CNTNAP2: variants seen among roughly 807,000 people sequenced by gnomAD.
CNTNAP2 encodes contactin-associated protein-like 2.
In CNTNAP2, 98 loss-of-function variants were observed where a neutral mutation model predicts 155.2. The observed-to-expected ratio is 0.63, with a 90% CI of 0.54 to 0.75. CNTNAP2 has a LOEUF of 0.75. CNTNAP2 is among the 30% of genes least tolerant of loss of function. CNTNAP2 has a pLI of 0.00. For synonymous variants in CNTNAP2, 651 were observed against 631.2 expected (o/e 1.03, Z -0.47); for missense variants, 1,727 against 1,688.1 (o/e 1.02, Z -0.40).
At position 146,745,744 on chromosome 7, in the gene CNTNAP2, G is replaced by A. The variant is rs930014636; in HGVS notation, c.98-28527G>A. 8.9e-5 allele frequency among the ~76,000 whole-genome samples: 13 copies of A among 145,444 alleles called. No homozygotes were observed. In the South Asian group the frequency reaches 9.0e-4, roughly 10 times the overall value. ...TTGTGCCACTGTACTCCAGCCTGGC[G>A]ACAGAGCAAGACTCCATCTGAAAAA... On this transcript the variant is annotated intron_variant, in intron 1 of 23. Coordinates refer to ENST00000361727, the MANE Select transcript of CNTNAP2 (RefSeq NM_014141.6).
rs531683124 is a variant in CNTNAP2, at chr7:147,801,094, G to A, written c.2099-102471G>A. On this transcript the variant is annotated intron_variant, in intron 13 of 23. Coordinates refer to ENST00000361727, the MANE Select transcript of CNTNAP2 (RefSeq NM_014141.6). The stretch of plus-strand genomic sequence containing the variant: ...ACTCTACTGGAAAACAAAATATTTC[G>A]TACAAAGCCTGGGATGTGTGCTCTG... Among the ~76,000 whole-genome samples, 20 of 152,204 alleles carry A rather than the reference G, an allele frequency of 1.3e-4. No individual in the cohort carries two copies. The East Asian group carries it at 1.5e-3, about 12-fold the overall frequency.
At chr7:146,789,576 C>A (rs1802634664) in intron 2 of CNTNAP2, among the ~76,000 whole-genome samples, 1 of 147,036 alleles carries the variant, frequency 6.8e-6, no homozygotes. Context: ...AATTTTTGAA[C>A]TTGTATTATG....
intron 15 of CNTNAP2, among the ~76,000 whole-genome samples, chr7:148,074,419 G>A (rs1295068960): frequency 6.6e-6 from 1 of 152,152 alleles, no homozygotes; most frequent in African/African-American, 2.4e-5. Flanking sequence ...GGCCAGACCC[G>A]GTGGCTCACA....
intron 13 of CNTNAP2, among the ~76,000 whole-genome samples, chr7:147,859,450 T>C (rs935566949): frequency 3.9e-5 from 6 of 152,024 alleles, no homozygotes; most frequent in Admixed American, 3.9e-4. Flanking sequence ...ACATGTCATA[T>C]TTTCTGCAGT....
chr7:148,353,910 C>T (rs1012653436), intron 21 of CNTNAP2, among the ~76,000 whole-genome samples: 2 of 152,172 alleles, frequency 1.3e-5, no homozygotes, highest in Non-Finnish European at 2.9e-5. Flanking sequence ...TTGGTGTCTG[C>T]TTCTGGTTTT....
chr7:147,164,034 C>T (rs1037324705), intron 8 of CNTNAP2, among the ~76,000 whole-genome samples: 4 of 152,158 alleles, frequency 2.6e-5, no homozygotes, highest in Admixed American at 1.3e-4. Context: ...CAGAGACTTA[C>T]GTGACAGGTG....
rs182879375 is a variant in CNTNAP2, at chr7:148,092,966, C to A, written c.2384-25152C>A. ...ACAGATAAACAGTTTAGTTGATAAT[C>A]CCCCACATCTTCTTCTTCAGCACAG... is the stretch of plus-strand genomic sequence containing the variant. On this transcript the variant is annotated intron_variant, in intron 15 of 23. Transcript: ENST00000361727. 2.4e-3 allele frequency among the ~76,000 whole-genome samples: 367 copies of A among 151,108 alleles called. 1 individual carries two copies. The highest frequency in any genetic ancestry group is 8.5e-3 in the African/African-American group (350 of 41,182).
At chr7:147,379,756 G>T (rs1229077522) in intron 9 of CNTNAP2, among the ~76,000 whole-genome samples, 1 of 151,860 alleles carries the variant, frequency 6.6e-6, no homozygotes, top group Non-Finnish European at 1.5e-5. Context: ...TATGTGGTGG[G>T]GCTAGGGGCG....
chr7:147,583,732 T>C (rs1800562597), intron 12 of CNTNAP2, among the ~76,000 whole-genome samples: 1 of 151,930 alleles, frequency 6.6e-6, no homozygotes. Context: ...TGTCTATAAG[T>C]CAACATTATA....
intron 3 of CNTNAP2, among the ~76,000 whole-genome samples, chr7:147,042,257 G>T (rs577282630): frequency 6.6e-5 from 10 of 152,264 alleles, no homozygotes; most frequent in African/African-American, 2.2e-4. Context: ...CGTCACAGAA[G>T]AACATCCCAA....
chr7:147,246,834 G>A (rs769831287), intron 8 of CNTNAP2, among the ~76,000 whole-genome samples: 2 of 152,164 alleles, frequency 1.3e-5, no homozygotes, highest in African/African-American at 4.8e-5. Context: ...ACATCATGCT[G>A]TTTCTGTATA....
At chr7:147,272,935 G>A (rs1363412260) in intron 8 of CNTNAP2, among the ~76,000 whole-genome samples, 6 of 152,052 alleles carry the variant, frequency 3.9e-5, no homozygotes, top group African/African-American at 1.2e-4. Context: ...TTAGAATAAC[G>A]TACATAAAAT....
At chr7:146,438,862 G>A (rs559629539) in intron 1 of CNTNAP2, among the ~76,000 whole-genome samples, 1 of 151,514 alleles carries the variant, frequency 6.6e-6, no homozygotes, top group Non-Finnish European at 1.5e-5. Flanking sequence ...TTGCTATCTA[G>A]TTCTTTCTCT....
intron 1 of CNTNAP2, among the ~76,000 whole-genome samples, chr7:146,570,211 C>T (rs977530353): frequency 1.4e-5 from 1 of 69,512 alleles, no homozygotes; most frequent in African/African-American, 5.1e-5. Context: ...TAGACACAGC[C>T]CATTTTTTTT....
intron 11 of CNTNAP2, among the ~76,000 whole-genome samples, chr7:147,552,166 C>T (rs766969551): frequency 2.6e-5 from 4 of 152,026 alleles, no homozygotes; most frequent in African/African-American, 7.2e-5. Context: ...CAGTTTTGGG[C>T]GGTGTATTTT....
chr7:146,527,298 C>T (rs1395040320), intron 1 of CNTNAP2, among the ~76,000 whole-genome samples: 1 of 152,126 alleles, frequency 6.6e-6, no homozygotes, highest in Non-Finnish European at 1.5e-5. Context: ...CAGTAGTCAC[C>T]TACTTGTATT....
intron 3 of CNTNAP2, among the ~76,000 whole-genome samples, chr7:146,976,650 C>T (rs1481409530): frequency 2.6e-5 from 4 of 152,152 alleles, no homozygotes; most frequent in African/African-American, 9.7e-5. Flanking sequence ...CTCTAGGAAC[C>T]TCCATGTGTT....
At chr7:146,773,996 T>C (rs1213889384) in intron 1 of CNTNAP2, among the ~76,000 whole-genome samples, 1 of 152,134 alleles carries the variant, frequency 6.6e-6, no homozygotes, top group East Asian at 1.9e-4. Flanking sequence ...CAAGCTCAAT[T>C]TTACTCATGA....
intron 2 of CNTNAP2, among the ~76,000 whole-genome samples, chr7:146,806,558 A>G (rs990331110): frequency 3.3e-5 from 5 of 152,050 alleles, no homozygotes; most frequent in African/African-American, 9.7e-5. Context: ...AAATGTGTAG[A>G]ACCTCAGGAT....
Sources: gnomAD v4.1 joint callset for allele counts (sites outside exome capture counted in the v4.1 genomes callset) on GRCh38, gnomAD v4.1.1 for gene constraint, MANE v1.5 for transcripts, NCBI Gene and HGNC (gene_info 2026-07-23, HGNC 2026-07-21) for gene names.